RRP1B: variants seen among roughly 807,000 people sequenced by gnomAD.
RRP1B encodes the protein ribosomal RNA processing 1B.
In RRP1B, 56 loss-of-function variants were observed where a neutral mutation model predicts 80.2. The ratio of observed to expected loss-of-function variants is 0.70; its 90% CI spans 0.56 to 0.87. The LOEUF is 0.87. Among genes scored for constraint, RRP1B ranks in the 40% least tolerant of loss-of-function variants. The pLI, the probability that RRP1B is intolerant of heterozygous loss-of-function variation, is 0.00. For missense variants in RRP1B, 807 were observed against 939.8 expected, an observed-to-expected ratio of 0.86 and a Z score of 1.85; for synonymous variants, 351 against 357.6, an observed-to-expected ratio of 0.98 and a Z score of 0.21.
At chr21:43,692,029 G>A (rs902059496) in intron 15 of RRP1B, among the ~76,000 whole-genome samples, 9 of 152,170 alleles carry the variant, frequency 5.9e-5, no homozygotes, top group Non-Finnish European at 8.8e-5. Context: ...GGGTGCCAGT[G>A]GTGAGTGGGC....
rs965369384 is a variant in RRP1B, at chr21:43,675,269, T to C, written c.549+106T>C. 3.8e-6 allele frequency: 4 copies of C among 1,060,344 alleles called. No homozygotes were observed. In the African/African-American group the frequency reaches 4.7e-5, roughly 12 times the overall value. The allele number at this position is 1,060,344 out of a possible 1,614,324, so 65.7% of individuals were successfully genotyped here. A position where few individuals can be genotyped will look rare whatever the true frequency, so the allele number is the denominator to read the frequency against. ...TGGCCCTTCGCATGACCAGCGACTG[T>C]AGCAGCGTGAATTGCTTCAGTCCTG... On this transcript the variant is annotated intron_variant, in intron 6 of 15. Transcript: ENST00000340648.
At position 43,687,736 on chromosome 21, in the gene RRP1B, T is replaced by C. The variant is rs1408561866; in HGVS notation, c.1362T>C (p.Thr454=). The change falls in exon 13 of 16, where the codon ACT becomes ACC. Residue 454 remains threonine, a synonymous_variant. Coordinates refer to ENST00000340648, the MANE Select transcript of RRP1B (RefSeq NM_015056.3). The stretch of plus-strand genomic sequence containing the variant: ...CAGGTGCAGAGGCCACGTCCAGCAC[T>C]GGGGAGGAGAGTGGCTCCGAGCATC... ...AEPGAEATSS[T]GEESGSEHPP... 6.2e-7 allele frequency: 1 copy of C among 1,612,972 alleles called. No individual in the cohort carries two copies. Among genetic ancestry groups the C allele is most frequent in the African/African-American group, 1.3e-5 (1 of 74,910 alleles).
chr21:43,683,350 G>A lies in RRP1B; in HGVS notation c.868G>A (p.Glu290Lys), dbSNP rs1187945415. The A allele has an allele frequency of 6.2e-7, 1 of 1,614,096 alleles. No homozygotes were observed. Among genetic ancestry groups the A allele is most frequent in the Non-Finnish European group, 8.5e-7 (1 of 1,179,946 alleles). Reference protein sequence around the residue: ...ERGRDDCGTFEDTGPLLQFDY... With the variant: ...ERGRDDCGTFKDTGPLLQFDY... ...AGGAAGAGATGACTGTGGAACCTTTGAGGACACAGGGCCCCTTCTCCAGGT... is the reference window on the plus strand; with the variant it reads ...AGGAAGAGATGACTGTGGAACCTTTAAGGACACAGGGCCCCTTCTCCAGGT... The change falls in exon 9 of 16, where the codon GAG (glutamate) becomes AAG (lysine). Residue 290 changes from glutamate to lysine, a missense_variant. Glu to Lys is a moderately conservative substitution (Grantham distance 56). Coordinates refer to ENST00000340648, the MANE Select transcript of RRP1B (RefSeq NM_015056.3).
chr21:43,685,113 G>A (rs1274983464), intron 10 of RRP1B, among the ~76,000 whole-genome samples: 3 of 152,142 alleles, frequency 2.0e-5, no homozygotes, highest in South Asian at 2.1e-4. Flanking sequence ...GGAGGGCCTC[G>A]TGTGGCTTGC....
intron 3 of RRP1B, among the ~76,000 whole-genome samples, chr21:43,673,365 G>A (rs1489733133): frequency 6.6e-6 from 1 of 152,178 alleles, no homozygotes; most frequent in Admixed American, 6.5e-5. Context: ...CAGGCACGGT[G>A]GCTCACGCCT....
At position 43,691,623 on chromosome 21, in the gene RRP1B, ATTTC is replaced by A. The variant is rs1379132844; in HGVS notation, c.2083+125_2083+128del. 2 of 664,330 alleles carry A rather than the reference ATTTC, an allele frequency of 3.0e-6. No individual in the cohort carries two copies. Among genetic ancestry groups the A allele is most frequent in the African/African-American group, 3.9e-5 (2 of 50,872 alleles). The allele number at this position is 664,330 out of a possible 1,614,324, so 41.2% of individuals were successfully genotyped here. On this transcript the variant is annotated intron_variant, in intron 15 of 15. Transcript: ENST00000340648. This position sits in a 1 kb window ranked among gnomAD's most constrained non-coding sequence, Gnocchi z 4.2. ...GGGGGGTCCTAGCTCCTCACTGCCC[ATTTC>A]TTTATTTTTATTTTTTTTTTTTTTT... is the stretch of plus-strand genomic sequence containing the variant.
rs746874711 is a variant in RRP1B at position 43,673,968 on chromosome 21, G to A, written c.357+13G>A. The A allele has an allele frequency of 7.6e-6, 12 of 1,571,910 alleles. No individual in the cohort carries two copies. The highest frequency in any genetic ancestry group is 2.3e-5 in the South Asian group (2 of 88,034). ...CAAATACTATATGGTAAGATCTGCC[G>A]CAGTTACTTCAAAAACTCCTGGGAA... is the stretch of plus-strand genomic sequence containing the variant. On this transcript the variant is annotated intron_variant, in intron 4 of 15. Transcript: ENST00000340648.
At position 43,691,317 on chromosome 21, in the gene RRP1B, C is replaced by A; in HGVS notation, c.2020-122C>A. ...TCCCTTTGGCCTCTCCCTATATGTG[C>A]CACTCAGTAAGCAGCAGTGTGGGCG... On this transcript the variant is annotated intron_variant, in intron 14 of 15. Coordinates refer to ENST00000340648, the MANE Select transcript of RRP1B (RefSeq NM_015056.3). The surrounding 1 kb of genome is among the most constrained non-coding windows in gnomAD (Gnocchi z 4.2). 1 of 837,366 alleles carries A rather than the reference C, an allele frequency of 1.2e-6. No homozygotes were observed. Among genetic ancestry groups the A allele is most frequent in the Non-Finnish European group, 1.9e-6 (1 of 521,630 alleles). 51.9% of individuals were successfully genotyped at this position (837,366 alleles called of 1,614,324 possible). A position where few individuals can be genotyped will look rare whatever the true frequency, so the allele number is the denominator to read the frequency against.
At position 43,694,715 on chromosome 21, in the gene RRP1B, CA is replaced by C. The variant is rs1369556502; in HGVS notation, c.*1336del. The C allele has an allele frequency of 6.6e-6, 1 of 152,338 alleles. No homozygotes were observed. The highest frequency in any genetic ancestry group is 1.5e-5 in the Non-Finnish European group (1 of 68,110). The allele number at this position is 152,338 out of a possible 1,614,324, so 9.4% of individuals were successfully genotyped here. On this transcript the variant is annotated 3_prime_UTR_variant, in exon 16 of 16. Transcript: ENST00000340648. ...CCATACAGGAGCCTCGGTTTTTCAG[CA>C]AAACGCGGCCAGTCCCCTTCTCCAC...
chr21:43,684,699 A>C, intron 10 of RRP1B, 49 bp downstream of exon 10: 374 of 1,457,876 alleles, frequency 2.6e-4, no homozygotes, highest in Non-Finnish European at 3.3e-4. Context: ...TTTAGTTCTC[A>C]TCTCCTGGTG....
intron 3 of RRP1B, 31 bp downstream of exon 3, chr21:43,672,396 C>T (rs1270433782): frequency 6.3e-7 from 1 of 1,591,064 alleles, no homozygotes; most frequent in Non-Finnish European, 8.6e-7. Flanking sequence ...TCCTTCCTTC[C>T]AAGTTTTCCG....
intron 8 of RRP1B, among the ~76,000 whole-genome samples, chr21:43,681,920 C>A (rs958314775): frequency 1.3e-5 from 2 of 152,182 alleles, no homozygotes; most frequent in Non-Finnish European, 2.9e-5. Context: ...CACTGCACTG[C>A]GTCCTGGGCA....
In RRP1B at chr21:43,659,691, G is replaced by T. The variant is rs1601747101; in HGVS notation, c.27G>T (p.Glu9Asp). MAPAMQPAEIQFAQRLASS... is the reference protein window; with the variant it reads MAPAMQPADIQFAQRLASS... Reference sequence around the variant, plus strand: ...TGGCCCCCGCCATGCAGCCGGCCGAGATCCAATTTGCCCAGCGGCTGGCGT... The same window carrying T: ...TGGCCCCCGCCATGCAGCCGGCCGATATCCAATTTGCCCAGCGGCTGGCGT... The change falls in exon 1 of 16, where the codon GAG (glutamate) becomes GAT (aspartate). Residue 9 changes from glutamate to aspartate, a missense_variant. Transcript: ENST00000340648. This position sits in a 1 kb window ranked among gnomAD's most constrained non-coding sequence, Gnocchi z 4.2. 2 of 1,524,900 alleles carry T rather than the reference G, an allele frequency of 1.3e-6. No homozygotes were observed. Among genetic ancestry groups the T allele is most frequent in the East Asian group, 5.3e-5 (2 of 37,714 alleles). The allele number at this position is 1,524,900 out of a possible 1,614,324, so 94.5% of individuals were successfully genotyped here.
intron 8 of RRP1B, 45 bp from the exon 9 acceptor site, chr21:43,683,234 G>A (rs2083050446): frequency 6.8e-7 from 1 of 1,478,996 alleles, no homozygotes; most frequent in Non-Finnish European, 9.4e-7. Flanking sequence ...TCACTTCTGT[G>A]TATTTGATAT....
intron 1 of RRP1B, among the ~76,000 whole-genome samples, chr21:43,661,632 G>A (rs2082958078): frequency 6.6e-6 from 1 of 152,134 alleles, no homozygotes; most frequent in Admixed American, 6.5e-5. Context: ...CTTCACTTGT[G>A]TCCCCAGGAA....
chr21:43,671,782 G>A (rs879872439), intron 2 of RRP1B, among the ~76,000 whole-genome samples: 2 of 151,822 alleles, frequency 1.3e-5, no homozygotes, highest in African/African-American at 4.8e-5. Flanking sequence ...CTCTACCTCC[G>A]AGTTCAAGCA....
At chr21:43,663,596 C>A (rs562673160) in intron 1 of RRP1B, among the ~76,000 whole-genome samples, 15 of 151,906 alleles carry the variant, frequency 9.9e-5, no homozygotes, top group African/African-American at 3.4e-4. Flanking sequence ...CTTGCTCTGT[C>A]GCCCAGGCTG....
intron 8 of RRP1B, 117 bp downstream of exon 8, chr21:43,677,031 G>A (rs1171710169): frequency 2.0e-6 from 2 of 1,011,976 alleles, no homozygotes; most frequent in African/African-American, 3.2e-5. Context: ...TGATGGCTCT[G>A]CCTCAGCCCC....
intron 1 of RRP1B, among the ~76,000 whole-genome samples, chr21:43,665,257 G>C (rs1244495620): frequency 6.6e-6 from 1 of 152,230 alleles, no homozygotes; most frequent in Non-Finnish European, 1.5e-5. Context: ...CCAGAATACA[G>C]AATATTATGC....
Sources: gnomAD v4.1 joint callset for allele counts (sites outside exome capture counted in the v4.1 genomes callset) on GRCh38, gnomAD v4.1.1 for gene constraint, Gnocchi (gnomAD v3.1) non-coding constraint, MANE v1.5 for transcripts, NCBI Gene and HGNC (gene_info 2026-07-23, HGNC 2026-07-21) for gene names.